MGMT: variants seen among roughly 807,000 people sequenced by gnomAD.
MGMT encodes methylated-DNA--protein-cysteine methyltransferase.
Under a neutral mutation model 15.9 loss-of-function variants are expected in MGMT, and 14 were observed. That is an observed-to-expected ratio of 0.88 (90% CI 0.58 to 1.37). MGMT has a LOEUF of 1.37. Among genes scored for constraint, MGMT ranks in the 40% most tolerant of loss-of-function variants. The probability of loss-of-function intolerance (pLI) is 0.00; values close to 1 mark genes in which losing one functional copy is unlikely to be tolerated. For synonymous variants in MGMT, 130 were observed against 118.2 expected (o/e 1.10, Z -0.65); for missense variants, 282 against 268.1 (o/e 1.05, Z -0.36).
At chr10:129,590,519 G>A (rs1319547632) in intron 2 of MGMT, among the ~76,000 whole-genome samples, 2 of 152,152 alleles carry the variant, frequency 1.3e-5, no homozygotes, top group African/African-American at 4.8e-5. Context: ...TTTCTGTTTT[G>A]CAATGAATAG....
intron 2 of MGMT, among the ~76,000 whole-genome samples, chr10:129,601,940 A>G (rs1846827245): frequency 6.6e-6 from 1 of 152,168 alleles, no homozygotes; most frequent in African/African-American, 2.4e-5. Flanking sequence ...CCCGTAGTTC[A>G]TTGGTCCGTG....
intron 1 of MGMT, among the ~76,000 whole-genome samples, chr10:129,530,288 G>T (rs1169308988): frequency 1.3e-5 from 2 of 152,090 alleles, no homozygotes. Flanking sequence ...AGATAAAAAA[G>T]GAATAGTTTA....
At chr10:129,506,542 C>G (rs1845627318) in intron 1 of MGMT, among the ~76,000 whole-genome samples, 1 of 152,152 alleles carries the variant, frequency 6.6e-6, no homozygotes, top group Non-Finnish European at 1.5e-5. Context: ...CTCCAGGCAT[C>G]CAGGGGGCAT....
chr10:129,691,103 G>T (rs1265930793), intron 2 of MGMT, among the ~76,000 whole-genome samples: 1 of 152,238 alleles, frequency 6.6e-6, no homozygotes, highest in Non-Finnish European at 1.5e-5. Flanking sequence ...GAACTTGAAG[G>T]CAGCAGTGGG....
chr10:129,575,922 C>T (rs570359720), intron 2 of MGMT, among the ~76,000 whole-genome samples: 7 of 152,230 alleles, frequency 4.6e-5, no homozygotes, highest in African/African-American at 1.7e-4. Flanking sequence ...TGCAAATAAA[C>T]TAGAAAATCT....
At chr10:129,760,178 G>T (rs781575372) in intron 4 of MGMT, among the ~76,000 whole-genome samples, 2 of 152,202 alleles carry the variant, frequency 1.3e-5, no homozygotes, top group Non-Finnish European at 2.9e-5. Context: ...CTGGGCCGCG[G>T]GCCATCTGGC....
intron 2 of MGMT, among the ~76,000 whole-genome samples, chr10:129,632,891 G>A (rs113227145): frequency 0.033 from 5,088 of 152,236 alleles, 210 homozygotes; most frequent in African/African-American, 0.096. Context: ...AAAGGGTAAA[G>A]TATTACTTAA....
chr10:129,736,458 T>G (rs1185805134), intron 3 of MGMT, among the ~76,000 whole-genome samples: 1 of 147,194 alleles, frequency 6.8e-6, no homozygotes, highest in Non-Finnish European at 1.5e-5. Flanking sequence ...TGTGTGTCTC[T>G]GCCCGTGAGA....
At chr10:129,623,172 A>G (rs1200804977) in intron 2 of MGMT, among the ~76,000 whole-genome samples, 2 of 152,204 alleles carry the variant, frequency 1.3e-5, no homozygotes, top group African/African-American at 4.8e-5. Flanking sequence ...AAAGTTTACA[A>G]TGAAGCCCTT....
chr10:129,520,858 G>A (rs1404489847), intron 1 of MGMT, among the ~76,000 whole-genome samples: 10 of 148,136 alleles, frequency 6.8e-5, no homozygotes, highest in African/African-American at 2.5e-5. Context: ...GACCCCATAT[G>A]GTGCGGGTAC....
chr10:129,524,429 C>T (rs1845846565), intron 1 of MGMT, among the ~76,000 whole-genome samples: 1 of 152,104 alleles, frequency 6.6e-6, no homozygotes, highest in Non-Finnish European at 1.5e-5. Flanking sequence ...TGAGTGTACT[C>T]AGGTTTGCAT....
chr10:129,634,488 A>G (rs940902962), intron 2 of MGMT, among the ~76,000 whole-genome samples: 1 of 152,190 alleles, frequency 6.6e-6, no homozygotes, highest in Non-Finnish European at 1.5e-5. Flanking sequence ...AAGTTTTTCA[A>G]AACCTCACTG....
intron 2 of MGMT, among the ~76,000 whole-genome samples, chr10:129,638,446 G>GAAAAAAAAAAAAAAA (rs1157292152): frequency 4.2e-5 from 4 of 96,318 alleles, no homozygotes; most frequent in Admixed American, 1.2e-4. Flanking sequence ...AAAAAAAAAA[G>GAAAAAAAAAAAAAAA]AAAAAAAAAA....
intron 4 of MGMT, among the ~76,000 whole-genome samples, chr10:129,760,081 A>G (rs1339435336): frequency 6.6e-6 from 1 of 152,244 alleles, no homozygotes; most frequent in African/African-American, 2.4e-5. Flanking sequence ...ACCGGGACAC[A>G]GCATGGGTGG....
chr10:129,620,165 C>T (rs2133074902), intron 2 of MGMT, among the ~76,000 whole-genome samples: 1 of 152,318 alleles, frequency 6.6e-6, no homozygotes, highest in African/African-American at 2.4e-5. Flanking sequence ...CAAAACTAGA[C>T]ATTAACTTCT....
In MGMT at chr10:129,551,781, G is replaced by A. The variant is rs183019494; in HGVS notation, c.125+15404G>A. On this transcript the variant is annotated intron_variant, in intron 2 of 4. Coordinates refer to ENST00000651593, the MANE Select transcript of MGMT (RefSeq NM_002412.5). ...AGCACCAGAAACTCTTCAGCAGACC[G>A]GTGGAACATGCCTTAGAGAAAGCCA... Among the ~76,000 whole-genome samples the A allele has an allele frequency of 1.6e-3, 248 of 152,258 alleles. 1 individual carries two copies. Among genetic ancestry groups the A allele is most frequent in the African/African-American group, 5.6e-3 (233 of 41,562 alleles).
chr10:129,709,974 G>C (rs1848212267), intron 3 of MGMT, among the ~76,000 whole-genome samples: 1 of 152,218 alleles, frequency 6.6e-6, no homozygotes, highest in African/African-American at 2.4e-5. Context: ...AACCCCCGCT[G>C]AGCCTTTTCC....
intron 3 of MGMT, among the ~76,000 whole-genome samples, chr10:129,729,915 G>A (rs1199094273): frequency 6.6e-6 from 1 of 152,214 alleles, no homozygotes; most frequent in Non-Finnish European, 1.5e-5. Context: ...CCTTAGATTT[G>A]TCAGCATTCC....
intron 2 of MGMT, among the ~76,000 whole-genome samples, chr10:129,662,926 C>T (rs571052526): frequency 1.3e-5 from 2 of 152,226 alleles, no homozygotes; most frequent in South Asian, 2.1e-4. Flanking sequence ...CTACAGCATA[C>T]GCAAAGAGAA....
Sources: allele counts gnomAD v4.1 joint callset (sites outside exome capture counted in the v4.1 genomes callset), GRCh38; gene constraint gnomAD v4.1.1; transcripts MANE v1.5; gene names NCBI Gene and HGNC (gene_info 2026-07-23, HGNC 2026-07-21).